The following ZGRF1 variants were observed in gnomAD, a reference collection of about 807,000 sequenced individuals.
ZGRF1 encodes zinc finger GRF-type containing 1.
Under a neutral mutation model 203.5 loss-of-function variants are expected in ZGRF1, and 196 were observed. That is an observed-to-expected ratio of 0.96 (90% CI 0.86 to 1.08). ZGRF1 has a LOEUF of 1.08. Ranked by LOEUF, ZGRF1 falls within the 50% of genes least tolerant of loss-of-function variation. ZGRF1 has a pLI of 0.00. For synonymous variants in ZGRF1, 809 were observed against 841.3 expected, an observed-to-expected ratio of 0.96 and a Z score of 0.66; for missense variants, 2,326 against 2,416.3, an observed-to-expected ratio of 0.96 and a Z score of 0.78.
rs1416505655 is a variant in ZGRF1 at position 112,618,514 on chromosome 4, T to C, written c.1528A>G (p.Asn510Asp). ...TDMISESKMD[N>D]ESLNSIHESL... Reference sequence around the variant, plus strand: ...TCATGAATACTATTAAGACTTTCATTATCCATTTTACTTTCAGAAATCATG... The same window carrying C: ...TCATGAATACTATTAAGACTTTCATCATCCATTTTACTTTCAGAAATCATG... Residue 510 changes from asparagine to aspartate, a missense_variant, in exon 6 of 28, where the codon AAT becomes GAT. Transcript: ENST00000505019. 2 of 1,612,916 alleles carry C rather than the reference T, an allele frequency of 1.2e-6. No homozygotes were observed. Among genetic ancestry groups the C allele is most frequent in the East Asian group, 2.2e-5 (1 of 44,850 alleles).
intron 19 of ZGRF1, 27 bp from the exon 20 acceptor site, chr4:112,558,336 T>A: frequency 1.4e-6 from 2 of 1,446,220 alleles, no homozygotes; most frequent in East Asian, 2.8e-5. Flanking sequence ...AAGAAAAAAA[T>A]AAAAAGCATA....
At chr4:112,587,161 G>T in intron 12 of ZGRF1, 119 bp downstream of exon 12, 1 of 817,464 alleles carries the variant, frequency 1.2e-6, no homozygotes, top group Admixed American at 2.5e-5. Flanking sequence ...TCAGAGTTAG[G>T]ATCAAAAAAA....
At chr4:112,545,848 G>A (rs1363631098) in intron 24 of ZGRF1, among the ~76,000 whole-genome samples, 1 of 152,006 alleles carries the variant, frequency 6.6e-6, no homozygotes, top group Non-Finnish European at 1.5e-5. Context: ...AAGTAAATAA[G>A]ACAGACATAA....
chr4:112,634,266 C>T (rs2047506009), intron 1 of ZGRF1, among the ~76,000 whole-genome samples: 2 of 152,274 alleles, frequency 1.3e-5, no homozygotes, highest in East Asian at 1.9e-4. Flanking sequence ...ACAGCAGGGG[C>T]ACCCAGCTTG....
chr4:112,584,093 A>G lies in ZGRF1; in HGVS notation c.4183T>C (p.Tyr1395His), dbSNP rs1348320067. The change falls in exon 15 of 28, where the codon TAT (tyrosine) becomes CAT (histidine). Residue 1395 changes from tyrosine to histidine, a missense_variant. Transcript: ENST00000505019. ...GGTCGAGCTCCTTCCTGTGTTGAAT[A>G]TCCTGGAGTCACGTCCTCAAGCCAT... The part of the protein sequence containing the change: ...FKWLEDVTPG[Y>H]STQEGARPGM... The G allele has an allele frequency of 6.2e-7, 1 of 1,613,638 alleles. No individual in the cohort carries two copies. Among genetic ancestry groups the G allele is most frequent in the South Asian group, 1.1e-5 (1 of 91,072 alleles).
Position 112,587,889 on chromosome 4 carries a change from T to C in ZGRF1, c.3168A>G (p.Gln1056=). Residue 1056 remains glutamine, a synonymous_variant, in exon 12 of 28, where the codon CAA becomes CAG. Coordinates refer to ENST00000505019, the MANE Select transcript of ZGRF1 (RefSeq NM_018392.5). ...KSRSLENENL[Q]RLSLLSRTQV... Reference sequence around the variant, plus strand: ...GGGTTCTACTTAATAATGAAAGCCTTTGAAGGTTCTCATTCTCCAGAGAAC... The same window carrying C: ...GGGTTCTACTTAATAATGAAAGCCTCTGAAGGTTCTCATTCTCCAGAGAAC... The C allele has an allele frequency of 5.2e-6, 8 of 1,545,266 alleles. No individual in the cohort carries two copies. Among genetic ancestry groups the C allele is most frequent in the Non-Finnish European group, 6.1e-6 (7 of 1,145,344 alleles).
intron 10 of ZGRF1, among the ~76,000 whole-genome samples, chr4:112,593,958 CCAGGCTGTTCT>C (rs904848191): frequency 1.3e-5 from 2 of 151,756 alleles, no homozygotes; most frequent in African/African-American, 4.8e-5. Flanking sequence ...TCCCTGTTGC[CCAGGCTGTTCT>C]CACTTGAACT....
At chr4:112,583,532 A>G (rs1746643048) in intron 15 of ZGRF1, among the ~76,000 whole-genome samples, 1 of 152,218 alleles carries the variant, frequency 6.6e-6, no homozygotes, top group Non-Finnish European at 1.5e-5. Flanking sequence ...CTGGCCGAGC[A>G]TGATAGCTCA....
intron 16 of ZGRF1, among the ~76,000 whole-genome samples, chr4:112,568,501 A>T (rs1335196781): frequency 6.7e-6 from 1 of 149,372 alleles, no homozygotes; most frequent in Non-Finnish European, 1.5e-5. Flanking sequence ...ACCTGAGGTC[A>T]GGAGTTCGAC....
intron 10 of ZGRF1, among the ~76,000 whole-genome samples, chr4:112,597,458 A>C (rs1443500830): frequency 6.6e-6 from 1 of 151,922 alleles, no homozygotes; most frequent in Non-Finnish European, 1.5e-5. Flanking sequence ...CAGGAGTTTG[A>C]GGCTACAGTG....
chr4:112,621,593 C>T (rs1018082635), intron 4 of ZGRF1, among the ~76,000 whole-genome samples: 2 of 146,906 alleles, frequency 1.4e-5, no homozygotes, highest in South Asian at 4.4e-4. Context: ...GCAGAGGTTG[C>T]GGTGAGGTGA....
intron 7 of ZGRF1, 27 bp from the exon 8 acceptor site, chr4:112,609,456 T>A: frequency 8.2e-7 from 1 of 1,214,890 alleles, no homozygotes; most frequent in African/African-American, 1.5e-5. Flanking sequence ...TAATTTTAGA[T>A]AAACTAATAG....
Position 112,620,027 on chromosome 4 carries a change from G to A in ZGRF1, c.326C>T (p.Pro109Leu), listed in dbSNP as rs369385902. 21 of 1,594,942 alleles carry A rather than the reference G, an allele frequency of 1.3e-5. No homozygotes were observed. Among genetic ancestry groups the A allele is most frequent in the African/African-American group, 4.0e-5 (3 of 74,122 alleles). The change falls in exon 5 of 28, where the codon CCC becomes CTC. Residue 109 changes from proline (P) to leucine (L), a missense_variant. Physicochemically the swap from Pro to Leu is moderately conservative, Grantham distance 98. Coordinates refer to ENST00000505019, the MANE Select transcript of ZGRF1 (RefSeq NM_018392.5). ...ISSGRSLGCQ[P>L]SGLKRKFTGF... ...AGTAAACTTCCTTTTTAAGCCAGAG[G>A]GCTGACATCCAAGAGATCGGCCAGA... is the stretch of plus-strand genomic sequence containing the variant.
Position 112,565,023 on chromosome 4 carries a change from C to A in ZGRF1, c.4439-1749G>T, listed in dbSNP as rs916154781. On this transcript the variant is annotated intron_variant, in intron 16 of 27. Transcript: ENST00000505019. ...CAAGGCAGACTGCCCACAAATCAAC[C>A]GGTGGTAAACCACCCAGGAAGCAAC... 4 of 978,680 alleles carry A rather than the reference C, an allele frequency of 4.1e-6. No homozygotes were observed. The African/African-American group carries it at 4.8e-5, about 12-fold the overall frequency. The allele number at this position is 978,680 out of a possible 1,614,324, so 60.6% of individuals were successfully genotyped here.
rs139457981 is a variant in ZGRF1 at position 112,584,649 on chromosome 4, T to A, written c.4102-475A>T. On this transcript the variant is annotated intron_variant, in intron 14 of 27. Transcript: ENST00000505019. ...ATAGTACGAGCATGCAACTATGTCATCAAATAATCTTAAAAAGAAAACAAA... is the reference window on the plus strand; with the variant it reads ...ATAGTACGAGCATGCAACTATGTCAACAAATAATCTTAAAAAGAAAACAAA... Among the ~76,000 whole-genome samples the A allele has an allele frequency of 8.7e-3, 1,329 of 152,278 alleles. 17 individuals carry two copies. Among genetic ancestry groups the A allele is most frequent in the Admixed American group, 0.027 (415 of 15,286 alleles).
intron 6 of ZGRF1, among the ~76,000 whole-genome samples, chr4:112,616,874 G>A (rs1299226441): frequency 2.0e-5 from 3 of 151,306 alleles, no homozygotes; most frequent in Non-Finnish European, 4.4e-5. Flanking sequence ...ACGGAGGAAA[G>A]AGGAAAAGAA....
At chr4:112,540,494 T>C (rs1737352184) in intron 26 of ZGRF1, among the ~76,000 whole-genome samples, 1 of 152,204 alleles carries the variant, frequency 6.6e-6, no homozygotes, top group African/African-American at 2.4e-5. Flanking sequence ...AATGTACCAA[T>C]AATAAAAGAA....
At chr4:112,604,752 AGTCT>A (rs1276130260) in intron 9 of ZGRF1, among the ~76,000 whole-genome samples, 1 of 152,208 alleles carries the variant, frequency 6.6e-6, no homozygotes, top group Non-Finnish European at 1.5e-5. Context: ...TCTTTCACTC[AGTCT>A]GTTTTCAGGC....
At chr4:112,581,845 A>G in intron 15 of ZGRF1, 43 bp from the exon 16 acceptor site, 3 of 1,067,596 alleles carry the variant, frequency 2.8e-6, no homozygotes, top group Non-Finnish European at 3.8e-6. Flanking sequence ...TAATATTAAG[A>G]TGCAAGTTTT....
Sources: allele counts gnomAD v4.1 joint callset (sites outside exome capture counted in the v4.1 genomes callset), GRCh38; gene constraint gnomAD v4.1.1; transcripts MANE v1.5; gene names NCBI Gene and HGNC (gene_info 2026-07-23, HGNC 2026-07-21).